Variants in ADAM12 observed in about 807,000 individuals in gnomAD.
ADAM12 encodes the protein ADAM metallopeptidase domain 12.
ADAM12 carries 70 observed loss-of-function variants against 106.4 expected under a neutral mutation model. The ratio of observed to expected loss-of-function variants is 0.66; its 90% CI spans 0.54 to 0.80. ADAM12 has a LOEUF of 0.80. Ranked by LOEUF, ADAM12 falls within the 30% of genes least tolerant of loss-of-function variation. The pLI is 0.00. For missense variants in ADAM12, 1,010 were observed against 1,171.9 expected (o/e 0.86, Z 2.02); for synonymous variants, 420 against 433.5 (o/e 0.97, Z 0.39).
intron 3 of ADAM12, among the ~76,000 whole-genome samples, chr10:126,209,721 A>G (rs1374837974): frequency 6.6e-6 from 1 of 152,244 alleles, no homozygotes; most frequent in African/African-American, 2.4e-5. Flanking sequence ...CTATATTGTT[A>G]TATTGAATGC....
Position 126,388,321 on chromosome 10 carries a change from T to G in ADAM12, c.-176A>C, listed in dbSNP as rs936262531. 1.8e-5 allele frequency: 18 copies of G among 1,026,978 alleles called. No homozygotes were observed. Among genetic ancestry groups the G allele is most frequent in the South Asian group, 5.0e-5 (1 of 20,140 alleles). The allele number at this position is 1,026,978 out of a possible 1,614,324, so 63.6% of individuals were successfully genotyped here. A position where few individuals can be genotyped will look rare whatever the true frequency, so the allele number is the denominator to read the frequency against. Reference sequence around the variant, plus strand: ...GCCGCTGAGCTCTTCTAGCCTTTCATTTTTAAAAAAGTTTCCCCCCGTGTG... The same window carrying G: ...GCCGCTGAGCTCTTCTAGCCTTTCAGTTTTAAAAAAGTTTCCCCCCGTGTG... On this transcript the variant is annotated 5_prime_UTR_variant, in exon 1 of 23. It removes an upstream start codon present in the reference 5' UTR. Transcript: ENST00000448723. This position sits in a 1 kb window ranked among gnomAD's most constrained non-coding sequence, Gnocchi z 4.4.
chr10:126,344,205 G>A (rs954658082), intron 1 of ADAM12, among the ~76,000 whole-genome samples: 31 of 152,222 alleles, frequency 2.0e-4, no homozygotes, highest in African/African-American at 7.2e-4. Context: ...TGTATAAGGT[G>A]TAAGGAAGGG....
chr10:126,241,549 C>T (rs946188414), intron 3 of ADAM12, among the ~76,000 whole-genome samples: 2 of 152,172 alleles, frequency 1.3e-5, no homozygotes, highest in African/African-American at 4.8e-5. Context: ...AAGCCTTATG[C>T]CTCTATTGGG....
At position 126,049,556 on chromosome 10, in the gene ADAM12, C is replaced by A; in HGVS notation, c.1718+5G>T. 1.2e-6 allele frequency: 2 copies of A among 1,614,138 alleles called. No homozygotes were observed. Among genetic ancestry groups the A allele is most frequent in the Non-Finnish European group, 1.7e-6 (2 of 1,179,962 alleles). ...AGACTTTGCCAGGATGTCTGGATTC[C>A]ATACCTCATCTCGCATTTGGCAAAG... is the stretch of plus-strand genomic sequence containing the variant. On this transcript the variant is annotated splice_donor_5th_base_variant and intron_variant, in intron 15 of 22. Transcript: ENST00000448723. This position sits in a 1 kb window ranked among gnomAD's most constrained non-coding sequence, Gnocchi z 4.4.
At chr10:126,351,385 C>A (rs1281982835) in intron 1 of ADAM12, among the ~76,000 whole-genome samples, 1 of 152,198 alleles carries the variant, frequency 6.6e-6, no homozygotes, top group Non-Finnish European at 1.5e-5. Flanking sequence ...TGGTCACCAT[C>A]CTGCATGCTT....
intron 4 of ADAM12, among the ~76,000 whole-genome samples, chr10:126,146,548 T>G (rs1001929970): frequency 5.3e-5 from 8 of 152,120 alleles, no homozygotes; most frequent in Non-Finnish European, 1.2e-4. Flanking sequence ...TGCCCAGCTA[T>G]CACCAGACCC....
chr10:126,165,257 T>C (rs1590541303), intron 3 of ADAM12, among the ~76,000 whole-genome samples: 1 of 152,226 alleles, frequency 6.6e-6, no homozygotes, highest in Non-Finnish European at 1.5e-5. Flanking sequence ...GACATCTACC[T>C]CCCAAGCTCA....
rs764465554 is a variant in ADAM12 at position 126,108,611 on chromosome 10, A to C, written c.723T>G (p.Ile241Met). The C allele has an allele frequency of 6.8e-6, 11 of 1,613,930 alleles. No homozygotes were observed. In the African/African-American group the frequency reaches 1.3e-4, roughly 20 times the overall value. ...AACTTACCTTGTCAACGTGATTAGCAATCTCTATTAATCGCTGCTTAACTT... is the reference window on the plus strand; with the variant it reads ...AACTTACCTTGTCAACGTGATTAGCCATCTCTATTAATCGCTGCTTAACTT... ...LEKVKQRLIE[I>M]ANHVDKFYRP... The change falls in exon 8 of 23, where the codon ATT becomes ATG. Residue 241 changes from isoleucine (I) to methionine (M), a missense_variant. By Grantham distance (10) the Ile-to-Met change is conservative (BLOSUM62 1). This residue lies in a region of ADAM12 where 391 missense variants were observed against 442.9 expected (regional missense o/e 0.88). Transcript: ENST00000448723.
chr10:126,315,143 A>G (rs1853813746), intron 2 of ADAM12, among the ~76,000 whole-genome samples: 1 of 152,224 alleles, frequency 6.6e-6, no homozygotes, highest in South Asian at 2.1e-4. Context: ...GGTCAATTCT[A>G]TGTGTGCTGA....
At chr10:126,171,041 C>G (rs1203960849) in intron 3 of ADAM12, among the ~76,000 whole-genome samples, 2 of 152,204 alleles carry the variant, frequency 1.3e-5, no homozygotes, top group Non-Finnish European at 2.9e-5. Flanking sequence ...ACAGCTGGGC[C>G]TTTGAACTAT....
chr10:126,049,204 C>T lies in ADAM12; in HGVS notation c.1917+49G>A. The T allele has an allele frequency of 6.2e-7, 1 of 1,605,414 alleles. No homozygotes were observed. Among genetic ancestry groups the T allele is most frequent in the Non-Finnish European group, 8.5e-7 (1 of 1,175,578 alleles). ...CCAGTTCTTGCTGTTTTTCAATGGG[C>T]CCTGTTCCAGACTTACATTTATGAT... On this transcript the variant is annotated intron_variant, in intron 16 of 22. Coordinates refer to ENST00000448723, the MANE Select transcript of ADAM12 (RefSeq NM_001288973.2). The surrounding 1 kb of genome is among the most constrained non-coding windows in gnomAD (Gnocchi z 4.4).
chr10:126,115,107 A>C (rs1955955759), intron 6 of ADAM12, among the ~76,000 whole-genome samples: 1 of 152,218 alleles, frequency 6.6e-6, no homozygotes, highest in Non-Finnish European at 1.5e-5. Context: ...TCGCTGTCCT[A>C]TATGTACACA....
At chr10:126,048,134 C>A (rs1039817984) in intron 16 of ADAM12, among the ~76,000 whole-genome samples, 1 of 152,046 alleles carries the variant, frequency 6.6e-6, no homozygotes, top group African/African-American at 2.4e-5. Flanking sequence ...ACACACTGGG[C>A]CTATCAGAGA....
At chr10:126,268,177 C>T (rs1959137792) in intron 3 of ADAM12, among the ~76,000 whole-genome samples, 1 of 152,128 alleles carries the variant, frequency 6.6e-6, no homozygotes, top group African/African-American at 2.4e-5. Flanking sequence ...ATGATTTTGC[C>T]TATTCGAATT....
At chr10:126,220,364 C>A (rs1390970832) in intron 3 of ADAM12, among the ~76,000 whole-genome samples, 2 of 152,310 alleles carry the variant, frequency 1.3e-5, no homozygotes, top group East Asian at 3.9e-4. Context: ...ATGCAAGGAA[C>A]TGGCTCAAGG....
chr10:126,168,388 A>G (rs1272041299), intron 3 of ADAM12, among the ~76,000 whole-genome samples: 2 of 152,196 alleles, frequency 1.3e-5, no homozygotes, highest in Non-Finnish European at 2.9e-5. Context: ...CTCATGCTGG[A>G]GTTTCCTCAT....
chr10:126,230,718 T>C (rs1227671729), intron 3 of ADAM12, among the ~76,000 whole-genome samples: 6 of 152,250 alleles, frequency 3.9e-5, no homozygotes, highest in Admixed American at 2.6e-4. Context: ...TTAAATTCAG[T>C]GTGAACGTCT....
chr10:126,036,626 A>G (rs1393333459), intron 20 of ADAM12, among the ~76,000 whole-genome samples: 1 of 152,248 alleles, frequency 6.6e-6, no homozygotes, highest in Non-Finnish European at 1.5e-5. Flanking sequence ...TACCAAGTAT[A>G]AAGAAAGACA....
chr10:126,191,782 A>T (rs1407558608), intron 3 of ADAM12, among the ~76,000 whole-genome samples: 1 of 152,244 alleles, frequency 6.6e-6, no homozygotes, highest in Non-Finnish European at 1.5e-5. Flanking sequence ...AACTAGCTCT[A>T]TTAGTCCACT....
Sources: allele counts gnomAD v4.1 joint callset (sites outside exome capture counted in the v4.1 genomes callset), GRCh38; gene constraint gnomAD v4.1.1; regional missense constraint gnomAD v4.1.1; non-coding constraint Gnocchi (gnomAD v3.1); transcripts MANE v1.5; gene names NCBI Gene and HGNC (gene_info 2026-07-23, HGNC 2026-07-21).